Variants in SORCS2 observed in about 807,000 individuals in gnomAD.
The protein encoded by SORCS2 is VPS10 domain-containing receptor SorCS2.
SORCS2 carries 100 observed loss-of-function variants against 141.6 expected under a neutral mutation model. That is an observed-to-expected ratio of 0.71 (90% CI 0.60 to 0.83). The LOEUF (loss-of-function observed/expected upper bound fraction) is 0.83. Among genes scored for constraint, SORCS2 ranks in the 40% least tolerant of loss-of-function variants. SORCS2 has a pLI of 0.00. For missense variants in SORCS2, 1,646 were observed against 1,560.2 expected, an observed-to-expected ratio of 1.05 and a Z score of -0.93; for synonymous variants, 789 against 676.9, an observed-to-expected ratio of 1.17 and a Z score of -2.57.
chr4:7,628,904 AT>A (rs1719694208), intron 3 of SORCS2, among the ~76,000 whole-genome samples: 1 of 152,208 alleles, frequency 6.6e-6, no homozygotes, highest in African/African-American at 2.4e-5. Flanking sequence ...AAATAATAAT[AT>A]AAAAGGATGT....
intron 2 of SORCS2, among the ~76,000 whole-genome samples, chr4:7,521,086 C>A (rs577702037): frequency 6.6e-6 from 1 of 151,880 alleles, no homozygotes; most frequent in Non-Finnish European, 1.5e-5. Flanking sequence ...TCCTGGTCAG[C>A]GAAATGGGAA....
At chr4:7,435,519 G>GT (rs1305606792) in intron 2 of SORCS2, among the ~76,000 whole-genome samples, 2 of 152,226 alleles carry the variant, frequency 1.3e-5, no homozygotes, top group African/African-American at 4.8e-5. Flanking sequence ...TGGGAGAGCT[G>GT]TGGACCTCAC....
chr4:7,396,458 C>G (rs1724223135), intron 2 of SORCS2, 103 bp downstream of exon 2: 4 of 1,224,966 alleles, frequency 3.3e-6, no homozygotes, highest in Non-Finnish European at 4.6e-6. Flanking sequence ...GTGGCAGCCC[C>G]TGTGAGTCAG....
intron 2 of SORCS2, among the ~76,000 whole-genome samples, chr4:7,527,479 G>A (rs1404647723): frequency 6.6e-6 from 1 of 152,194 alleles, no homozygotes; most frequent in African/African-American, 2.4e-5. Flanking sequence ...TCGGGGCCTC[G>A]GGGCGAGGAC....
intron 1 of SORCS2, among the ~76,000 whole-genome samples, chr4:7,359,991 G>T (rs759362243): frequency 6.6e-6 from 1 of 152,176 alleles, no homozygotes; most frequent in African/African-American, 2.4e-5. Context: ...GGTCACAGTC[G>T]CTGTCATTCT....
At chr4:7,600,088 C>A (rs1159742417) in intron 3 of SORCS2, among the ~76,000 whole-genome samples, 1 of 152,120 alleles carries the variant, frequency 6.6e-6, no homozygotes, top group African/African-American at 2.4e-5. Flanking sequence ...TCCCAAACTG[C>A]TGGGATTACA....
rs1047727737 is a variant in SORCS2, at chr4:7,192,683, C to T, written c.37C>T (p.Pro13Ser). Residue 13 changes from proline to serine, a missense_variant, in exon 1 of 27, where the codon CCC becomes TCC. Transcript: ENST00000507866. The surrounding 1 kb of genome is among the most constrained non-coding windows in gnomAD (Gnocchi z 4.0). ...GGGGCCCTCGCGCGCCTCGAAGGGC[C>T]CCGGCCCCACCGCCCGAGCCCCGAG... ...HRGPSRASKGPGPTARAPSPG... is the reference protein window; with the variant it reads ...HRGPSRASKGSGPTARAPSPG... The T allele has an allele frequency of 1.6e-3, 1,564 of 988,626 alleles. 3 individuals are homozygous for T. Among genetic ancestry groups the T allele is most frequent in the Non-Finnish European group, 1.8e-3 (1,499 of 833,492 alleles). 61.2% of individuals were successfully genotyped at this position (988,626 alleles called of 1,614,324 possible).
At chr4:7,585,588 T>C (rs571211311) in intron 3 of SORCS2, among the ~76,000 whole-genome samples, 5 of 152,352 alleles carry the variant, frequency 3.3e-5, no homozygotes, top group African/African-American at 9.6e-5. Flanking sequence ...AGAAACAACT[T>C]ATAGACTAGT....
chr4:7,333,853 C>A (rs7689486), intron 1 of SORCS2, among the ~76,000 whole-genome samples: 39,038 of 152,146 alleles, frequency 0.26, 5,187 homozygotes, highest in Middle Eastern at 0.29. Flanking sequence ...CCAGGGAAGC[C>A]GCATTTCTCC....
intron 2 of SORCS2, among the ~76,000 whole-genome samples, chr4:7,447,409 AC>A (rs1728068435): frequency 6.6e-6 from 1 of 152,150 alleles, no homozygotes; most frequent in Admixed American, 6.5e-5. Flanking sequence ...CACATGGTAA[AC>A]CCTCAATATA....
chr4:7,509,297 G>C (rs1380468906), intron 2 of SORCS2, among the ~76,000 whole-genome samples: 2 of 152,160 alleles, frequency 1.3e-5, no homozygotes, highest in African/African-American at 4.8e-5. Flanking sequence ...GTGGGCCACA[G>C]AGGGGATGGA....
In SORCS2 at chr4:7,654,339, C is replaced by T. The variant is rs558425736; in HGVS notation, c.887+132C>T. 1.2e-4 allele frequency: 108 copies of T among 901,836 alleles called. No homozygotes were observed. The African/African-American group carries it at 1.5e-3, about 13-fold the overall frequency. 55.9% of individuals were successfully genotyped at this position (901,836 alleles called of 1,614,324 possible). A position where few individuals can be genotyped will look rare whatever the true frequency, so the allele number is the denominator to read the frequency against. ...ACCCTCCCCATCCCGGGGCTGGGTCCCCACCGTCCACTGCCTCTGCCTGCA... is the reference window on the plus strand; with the variant it reads ...ACCCTCCCCATCCCGGGGCTGGGTCTCCACCGTCCACTGCCTCTGCCTGCA... On this transcript the variant is annotated intron_variant, in intron 5 of 26. Transcript: ENST00000507866.
chr4:7,446,101 C>A (rs184271653), intron 2 of SORCS2, among the ~76,000 whole-genome samples: 1 of 150,456 alleles, frequency 6.6e-6, no homozygotes, highest in Admixed American at 6.6e-5. Flanking sequence ...TTTCCCTTCC[C>A]TTTTGGTTGA....
chr4:7,462,874 C>A (rs1729395007), intron 2 of SORCS2, among the ~76,000 whole-genome samples: 1 of 150,524 alleles, frequency 6.6e-6, no homozygotes, highest in African/African-American at 2.4e-5. Context: ...ATTATCATTT[C>A]CCAGTGAGTT....
chr4:7,454,692 T>C (rs1467819038), intron 2 of SORCS2, among the ~76,000 whole-genome samples: 1 of 98,386 alleles, frequency 1.0e-5, no homozygotes, highest in Non-Finnish European at 2.0e-5. Context: ...GGCTCCGTGT[T>C]GGGGTCAGGC....
intron 5 of SORCS2, 83 bp from the exon 6 acceptor site, chr4:7,661,417 T>G (rs1296005582): frequency 2.3e-5 from 33 of 1,456,708 alleles, no homozygotes; most frequent in Non-Finnish European, 3.0e-5. Context: ...GGAGGCCACG[T>G]GGCTGCAGGG....
chr4:7,722,303 G>A lies in SORCS2; in HGVS notation c.2425-1394G>A, dbSNP rs909205311. 3.3e-5 allele frequency among the ~76,000 whole-genome samples: 5 copies of A among 152,198 alleles called. No homozygotes were observed. The East Asian group carries it at 9.6e-4, about 29-fold the overall frequency. ...CCTCATTCCCCGCCCCTCCCTGAGAGGCTGCCTTTAAACAGAAAGAACCAC... is the reference window on the plus strand; with the variant it reads ...CCTCATTCCCCGCCCCTCCCTGAGAAGCTGCCTTTAAACAGAAAGAACCAC... On this transcript the variant is annotated intron_variant, in intron 18 of 26. Coordinates refer to ENST00000507866, the MANE Select transcript of SORCS2 (RefSeq NM_020777.3).
intron 3 of SORCS2, among the ~76,000 whole-genome samples, chr4:7,586,212 T>G (rs752810463): frequency 6.6e-5 from 10 of 152,240 alleles, no homozygotes; most frequent in Non-Finnish European, 1.2e-4. Context: ...TTGACTGATT[T>G]GCTTCCTTCT....
At chr4:7,243,388 AC>A (rs551120606) in intron 1 of SORCS2, among the ~76,000 whole-genome samples, 25 of 152,182 alleles carry the variant, frequency 1.6e-4, no homozygotes, top group Admixed American at 1.2e-3. Flanking sequence ...CTCCAAGACC[AC>A]CCCTAGGAGT....
Sources: allele counts gnomAD v4.1 joint callset (sites outside exome capture counted in the v4.1 genomes callset), GRCh38; gene constraint gnomAD v4.1.1; non-coding constraint Gnocchi (gnomAD v3.1); transcripts MANE v1.5; gene names NCBI Gene and HGNC (gene_info 2026-07-23, HGNC 2026-07-21).